Variants in FAHD1 observed in about 807,000 individuals in gnomAD.
The protein encoded by FAHD1 is FAH domain containing oxaloacetate decarboxylase 1.
Under a neutral mutation model 12.7 loss-of-function variants are expected in FAHD1, and 14 were observed. The ratio of observed to expected loss-of-function variants is 1.10; its 90% CI spans 0.73 to 1.72. The LOEUF (loss-of-function observed/expected upper bound fraction) is 1.72, where lower values mean the gene tolerates loss of function less well. Ranked by LOEUF, FAHD1 falls within the 40% of genes most tolerant of loss-of-function variation. The pLI, the probability that FAHD1 is intolerant of heterozygous loss-of-function variation, is 0.00. For synonymous variants in FAHD1, 153 were observed against 124.9 expected, an observed-to-expected ratio of 1.22 and a Z score of -1.50; for missense variants, 351 against 298.9, an observed-to-expected ratio of 1.17 and a Z score of -1.29.
chr16:1,831,550 T>G (rs975651734), downstream of FAHD1, among the ~76,000 whole-genome samples: 7 of 152,272 alleles, frequency 4.6e-5, 1 homozygote, highest in Middle Eastern at 0.01. Context: ...CAAGTGAAGA[T>G]TTTCTGGGTG....
At chr16:1,827,550 C>A (rs778302216) in exon 1 of FAHD1, 1 of 1,613,326 alleles carries the variant, frequency 6.2e-7, no homozygotes, top group Non-Finnish European at 8.5e-7. Flanking sequence ...CCGCCCGGGA[C>A]GTGCAGGACG....
chr16:1,835,259 T>A (rs1898711168), intron 1 of FAHD1, among the ~76,000 whole-genome samples: 1 of 148,750 alleles, frequency 6.7e-6, no homozygotes, highest in South Asian at 2.1e-4. Flanking sequence ...TGAGACTGTG[T>A]CTCAAAAAAA....
chr16:1,838,540 G>A (rs984820317), intron 2 of FAHD1, among the ~76,000 whole-genome samples: 7 of 152,314 alleles, frequency 4.6e-5, no homozygotes, highest in Non-Finnish European at 8.8e-5. Context: ...AAATCAAGGA[G>A]AAAACGTGTA....
At chr16:1,830,155 G>A (rs992371955), downstream of FAHD1, among the ~76,000 whole-genome samples, 9 of 152,334 alleles carry the variant, frequency 5.9e-5, no homozygotes, top group South Asian at 2.1e-4. Flanking sequence ...GAGCCACCGT[G>A]CCCAGCTATA....
chr16:1,836,146 T>A (rs1008736215), intron 1 of FAHD1, among the ~76,000 whole-genome samples: 5 of 150,336 alleles, frequency 3.3e-5, no homozygotes, highest in Non-Finnish European at 5.9e-5. Context: ...AATTAATGAG[T>A]TAAATCTTCA....
downstream of FAHD1, among the ~76,000 whole-genome samples, chr16:1,831,128 G>T (rs1043579912): frequency 1.3e-5 from 2 of 152,140 alleles, no homozygotes; most frequent in Admixed American, 1.3e-4. Flanking sequence ...CTTCTGTTGT[G>T]TTTTTAAAAC....
chr16:1,828,732 T>C (rs1167776473), exon 1 of FAHD1: 5 of 963,472 alleles, frequency 5.2e-6, no homozygotes, highest in South Asian at 4.9e-5. Flanking sequence ...GTGATTCTTA[T>C]CAGGAAATGT....
rs1348005788 is a variant in FAHD1, at chr16:1,839,181, A to C, written c.*9-81A>C. ...CAATTTCTATCAAATGTTTGACAAA[A>C]CAACCTATATTTTTTTGGGAAAAAG... On this transcript the variant is annotated intron_variant, in intron 2 of 2. Transcript: ENST00000382666. The C allele has an allele frequency of 4.1e-6, 6 of 1,449,582 alleles. No individual in the cohort carries two copies. In the African/African-American group the frequency reaches 8.6e-5, roughly 21 times the overall value. The allele number at this position is 1,449,582 out of a possible 1,614,324, so 89.8% of individuals were successfully genotyped here.
chr16:1,830,480 C>T (rs1898599989), downstream of FAHD1, among the ~76,000 whole-genome samples: 1 of 152,176 alleles, frequency 6.6e-6, no homozygotes, highest in Non-Finnish European at 1.5e-5. Context: ...CTATTAAAGT[C>T]AAAGTTATAA....
At chr16:1,838,061 A>G (rs1567271923) in exon 2 of FAHD1, 2 of 1,095,332 alleles carry the variant, frequency 1.8e-6, no homozygotes, top group Non-Finnish European at 1.3e-6. Flanking sequence ...CAGCAGTGCT[A>G]TCACAGCTCA....
exon 1 of FAHD1, chr16:1,827,470 C>G: frequency 1.9e-6 from 3 of 1,611,540 alleles, no homozygotes; most frequent in Non-Finnish European, 2.5e-6. Context: ...GATGGGCAAG[C>G]GCTGCCGCGC....
At chr16:1,833,181 C>T (rs185167301), downstream of FAHD1, among the ~76,000 whole-genome samples, 66 of 152,236 alleles carry the variant, frequency 4.3e-4, no homozygotes, top group African/African-American at 1.5e-3. Flanking sequence ...GCAGTTGAGC[C>T]GTTTACTTTG....
chr16:1,839,445 A>G (rs755719433), exon 3 of FAHD1: 37 of 1,600,592 alleles, frequency 2.3e-5, no homozygotes, highest in Non-Finnish European at 3.1e-5. Flanking sequence ...GGAACTGAAA[A>G]GAAACAAAGA....
chr16:1,829,916 T>G (rs144928692), downstream of FAHD1, among the ~76,000 whole-genome samples: 29 of 151,778 alleles, frequency 1.9e-4, no homozygotes, highest in African/African-American at 6.8e-4. Flanking sequence ...CAGGCTGGAG[T>G]GCAGTGGCAC....
chr16:1,827,268 C>T (rs1898490348), exon 1 of FAHD1: 15 of 1,612,174 alleles, frequency 9.3e-6, no homozygotes, highest in Non-Finnish European at 1.3e-5. Context: ...TGTCCCGCTT[C>T]TGGGAGTGGG....
At chr16:1,830,048 A>G (rs1354526303), downstream of FAHD1, among the ~76,000 whole-genome samples, 1 of 152,186 alleles carries the variant, frequency 6.6e-6, no homozygotes, top group Non-Finnish European at 1.5e-5. Context: ...TTTTTAGTAG[A>G]GACAGGGTTT....
At chr16:1,830,812 T>G (rs1217911224), downstream of FAHD1, among the ~76,000 whole-genome samples, 2 of 152,104 alleles carry the variant, frequency 1.3e-5, no homozygotes, top group African/African-American at 2.4e-5. Flanking sequence ...TTTAATAGTT[T>G]CAACAATTAC....
downstream of FAHD1, among the ~76,000 whole-genome samples, chr16:1,830,012 C>G (rs749223136): frequency 6.6e-6 from 1 of 152,104 alleles, no homozygotes; most frequent in Non-Finnish European, 1.5e-5. Context: ...TACAGGCATA[C>G]GCCACCACAC....
chr16:1,828,237 C>A, exon 1 of FAHD1: 1 of 926,520 alleles, frequency 1.1e-6, no homozygotes, highest in Non-Finnish European at 1.3e-6. Flanking sequence ...GCTGAGATTG[C>A]GCCACTGTAC....
Sources: gnomAD v4.1 joint callset for allele counts (sites outside exome capture counted in the v4.1 genomes callset) on GRCh38, gnomAD v4.1.1 for gene constraint, MANE v1.5 for transcripts, NCBI Gene and HGNC (gene_info 2026-07-23, HGNC 2026-07-21) for gene names.